Variants in HMCN2 observed in about 807,000 individuals in gnomAD.
HMCN2 encodes the protein hemicentin 2.
Under a neutral mutation model 377.5 loss-of-function variants are expected in HMCN2, and 325 were observed. That is an observed-to-expected ratio of 0.86 (90% CI 0.79 to 0.94). HMCN2 has a LOEUF of 0.94. Among genes scored for constraint, HMCN2 ranks in the 40% least tolerant of loss-of-function variants. The probability of loss-of-function intolerance (pLI) is 0.00; values close to 1 mark genes in which losing one functional copy is unlikely to be tolerated. For synonymous variants in HMCN2, 2,007 were observed against 2,046.8 expected (o/e 0.98, Z 0.53); for missense variants, 4,543 against 4,725.3 (o/e 0.96, Z 1.13).
At chr9:130,396,398 G>A in intron 73 of HMCN2, 85 bp downstream of exon 73, 1 of 1,123,764 alleles carries the variant, frequency 8.9e-7, no homozygotes, top group Non-Finnish European at 1.2e-6. Context: ...GGCAATTGGA[G>A]CAGAAAAGTG....
intron 31 of HMCN2, among the ~76,000 whole-genome samples, chr9:130,354,457 G>A (rs1361680137): frequency 2.0e-5 from 3 of 152,200 alleles, no homozygotes; most frequent in Non-Finnish European, 4.4e-5. Context: ...TGGACCTGCT[G>A]TGTATAGGCA....
Position 130,433,502 on chromosome 9 carries a change from G to T in HMCN2, c.15049G>T (p.Glu5017Ter). 1.3e-6 allele frequency: 2 copies of T among 1,498,030 alleles called. No homozygotes were observed. Among genetic ancestry groups the T allele is most frequent in the Non-Finnish European group, 1.8e-6 (2 of 1,131,074 alleles). 92.8% of individuals were successfully genotyped at this position (1,498,030 alleles called of 1,614,324 possible). The stretch of plus-strand genomic sequence containing the variant: ...GGTCGGCGTCCCCGCCAACCGCACC[G>T]AGCTCAGCATGCTGGAGCCCGACCC... ...SEVGVPANRT[E>*]LSMLEPDPRS... Residue 5017 changes from glutamate (E) to a stop codon, truncating the protein, a stop_gained, in exon 98 of 98, where the codon GAG (glutamate) becomes TAG (stop). Coordinates refer to ENST00000683500, the MANE Select transcript of HMCN2 (RefSeq NM_001291815.2). LOFTEE classifies it high-confidence loss of function.
Position 130,382,235 on chromosome 9 carries a change from A to C in HMCN2, c.8483A>C (p.Tyr2828Ser). 6 of 985,668 alleles carry C rather than the reference A, an allele frequency of 6.1e-6. No individual in the cohort carries two copies. Among genetic ancestry groups the C allele is most frequent in the Non-Finnish European group, 6.0e-6 (5 of 829,900 alleles). 61.1% of individuals were successfully genotyped at this position (985,668 alleles called of 1,614,324 possible). Residue 2828 changes from tyrosine to serine, a missense_variant, in exon 55 of 98, where the codon TAC (tyrosine) becomes TCC (serine). This residue lies in a region of HMCN2 where 736 missense variants were observed against 773.2 expected (regional missense o/e 0.95). Coordinates refer to ENST00000683500, the MANE Select transcript of HMCN2 (RefSeq NM_001291815.2). The stretch of plus-strand genomic sequence containing the variant: ...GTGCGGGCAGAGAACGCCGGGAGGT[A>C]CTCGTGCAAGGCCTCCAACGAGGTG... The part of the protein sequence containing the change: ...PLVRAENAGR[Y>S]SCKASNEVGE...
chr9:130,356,368 G>A, intron 34 of HMCN2, 111 bp downstream of exon 34: 1 of 1,067,994 alleles, frequency 9.4e-7, no homozygotes. Context: ...TTTGCTGGAT[G>A]GCGTTTCTGG....
In HMCN2 at chr9:130,304,884, G is replaced by A; in HGVS notation, c.1698G>A (p.Gln566=). ...VLPASTGRVA[Q]LADLSLEISG... Reference sequence around the variant, plus strand: ...CGGCCTCGACGGGCCGAGTTGCCCAGCTGGCTGACCTGTCCCTGGAGATCA... The same window carrying A: ...CGGCCTCGACGGGCCGAGTTGCCCAACTGGCTGACCTGTCCCTGGAGATCA... The change falls in exon 11 of 98, where the codon CAG becomes CAA. Residue 566 remains glutamine (Q), a synonymous_variant. Transcript: ENST00000683500. This position sits in a 1 kb window ranked among gnomAD's most constrained non-coding sequence, Gnocchi z 4.3. 2.1e-6 allele frequency: 1 copy of A among 471,152 alleles called. No individual in the cohort carries two copies. Among genetic ancestry groups the A allele is most frequent in the Non-Finnish European group, 4.4e-6 (1 of 227,064 alleles). The allele number at this position is 471,152 out of a possible 1,614,324, so 29.2% of individuals were successfully genotyped here.
rs1254116955 is a variant in HMCN2, at chr9:130,268,390, G to A, written c.259+2253G>A. 4.8e-5 allele frequency among the ~76,000 whole-genome samples: 6 copies of A among 124,402 alleles called. 1 individual carries two copies. The South Asian group carries it at 7.7e-4, about 16-fold the overall frequency. The allele number at this position is 124,402 out of a possible 152,430, so 81.6% of individuals were successfully genotyped here. A position where few individuals can be genotyped will look rare whatever the true frequency, so the allele number is the denominator to read the frequency against. On this transcript the variant is annotated intron_variant, in intron 1 of 97. Transcript: ENST00000683500. ...AGTGACACCCCCAGGTTCAGACGTCGGGGAGACTTCAGCACCATGGAGCCC... is the reference window on the plus strand; with the variant it reads ...AGTGACACCCCCAGGTTCAGACGTCAGGGAGACTTCAGCACCATGGAGCCC...
chr9:130,306,597 C>G (rs1419457824), intron 12 of HMCN2, among the ~76,000 whole-genome samples: 4 of 149,896 alleles, frequency 2.7e-5, no homozygotes, highest in Non-Finnish European at 4.4e-5. Flanking sequence ...CCAAATCCCA[C>G]CCCCCACCAT....
intron 34 of HMCN2, among the ~76,000 whole-genome samples, chr9:130,357,255 T>C (rs866729070): frequency 2.4e-5 from 2 of 82,528 alleles, no homozygotes; most frequent in African/African-American, 5.0e-5. Flanking sequence ...GATGGAAGGG[T>C]GGGTAGATGG....
chr9:130,420,200 A>G (rs1236685856), intron 86 of HMCN2, among the ~76,000 whole-genome samples: 5 of 148,326 alleles, frequency 3.4e-5, no homozygotes, highest in African/African-American at 1.3e-4. Context: ...TCAGCCTCCC[A>G]AGTAGCTGGG....
Position 130,351,130 on chromosome 9 carries a change from T to C in HMCN2, c.4431-293T>C, listed in dbSNP as rs986781569. Among the ~76,000 whole-genome samples the C allele has an allele frequency of 2.4e-4, 36 of 152,036 alleles. No homozygotes were observed. The highest frequency in any genetic ancestry group is 8.5e-4 in the Admixed American group (13 of 15,272). Reference sequence around the variant, plus strand: ...ACTTCACATCACTGGCATCATAGAGTGTGTGGCCTTTTGTGTCTGGCTTCT... The same window carrying C: ...ACTTCACATCACTGGCATCATAGAGCGTGTGGCCTTTTGTGTCTGGCTTCT... On this transcript the variant is annotated intron_variant, in intron 29 of 97. Coordinates refer to ENST00000683500, the MANE Select transcript of HMCN2 (RefSeq NM_001291815.2). This position sits in a 1 kb window ranked among gnomAD's most constrained non-coding sequence, Gnocchi z 5.4.
Position 130,425,138 on chromosome 9 carries a change from G to T in HMCN2, c.13641+8G>T, listed in dbSNP as rs1564883419. ...GCAGATCTTCAAGTGCAGGTCGGGG[G>T]TCAAGCCCTGGGGTGTGCAGACAGG... On this transcript the variant is annotated splice_region_variant and intron_variant, in intron 89 of 97. Coordinates refer to ENST00000683500, the MANE Select transcript of HMCN2 (RefSeq NM_001291815.2). 1.3e-6 allele frequency: 2 copies of T among 1,544,654 alleles called. No individual in the cohort carries two copies. The highest frequency in any genetic ancestry group is 2.0e-5 in the Admixed American group (1 of 50,708).
rs1326947736 is a variant in HMCN2 at position 130,345,338 on chromosome 9, A to G, written c.3830-1828A>G. ...TTTGATATGTATGCTGTGTGTGTGT[A>G]TGTTTGTGGTGTGTGGTGTGTATGT... On this transcript the variant is annotated intron_variant, in intron 25 of 97. Coordinates refer to ENST00000683500, the MANE Select transcript of HMCN2 (RefSeq NM_001291815.2). 1.0e-4 allele frequency among the ~76,000 whole-genome samples: 9 copies of G among 89,970 alleles called. No individual in the cohort carries two copies. The East Asian group carries it at 3.3e-3, about 33-fold the overall frequency. The allele number at this position is 89,970 out of a possible 152,430, so 59.0% of individuals were successfully genotyped here.
intron 82 of HMCN2, 60 bp downstream of exon 82, chr9:130,406,228 G>T: frequency 7.9e-7 from 1 of 1,264,440 alleles, no homozygotes. Flanking sequence ...GTTAAGAAGG[G>T]AGGGCAGGTG....
chr9:130,358,926 G>A (rs186331607), intron 36 of HMCN2, among the ~76,000 whole-genome samples: 2 of 152,274 alleles, frequency 1.3e-5, no homozygotes, highest in African/African-American at 2.4e-5. Context: ...CGCCCGCCTC[G>A]GCCTCCCAAA....
Position 130,393,926 on chromosome 9 carries a change from A to T in HMCN2, c.10419A>T (p.Gly3473=). 1 of 1,289,138 alleles carries T rather than the reference A, an allele frequency of 7.8e-7. No homozygotes were observed. Among genetic ancestry groups the T allele is most frequent in the South Asian group, 1.2e-5 (1 of 80,988 alleles). The allele number at this position is 1,289,138 out of a possible 1,614,324, so 79.9% of individuals were successfully genotyped here. ...QGPSLQLEAV[G]AGDSGTYSCV... ...CCAGCCTGCAGCTGGAGGCAGTGGG[A>T]GCTGGTGACTCGGGGACCTACTCCT... Residue 3473 remains glycine (G), a synonymous_variant, in exon 68 of 98, where the codon GGA becomes GGT. Transcript: ENST00000683500. The surrounding 1 kb of genome is among the most constrained non-coding windows in gnomAD (Gnocchi z 5.2).
Position 130,430,443 on chromosome 9 carries a change from G to C in HMCN2, c.14486G>C (p.Ser4829Thr), listed in dbSNP as rs1158860458. Residue 4829 changes from serine to threonine, a missense_variant, in exon 95 of 98, where the codon AGC becomes ACC. Coordinates refer to ENST00000683500, the MANE Select transcript of HMCN2 (RefSeq NM_001291815.2). ...ERNGQNVTTV[S>T]HRGPLLPWLR... Reference sequence around the variant, plus strand: ...AATGGACAAAATGTGACCACCGTCAGCCACCGAGGCCCTCTATTGCCCTGG... The same window carrying C: ...AATGGACAAAATGTGACCACCGTCACCCACCGAGGCCCTCTATTGCCCTGG... 2 of 1,550,572 alleles carry C rather than the reference G, an allele frequency of 1.3e-6. No individual in the cohort carries two copies. Among genetic ancestry groups the C allele is most frequent in the South Asian group, 2.4e-5 (2 of 84,064 alleles).
chr9:130,373,229 C>T (rs1841137170), intron 48 of HMCN2, 105 bp downstream of exon 48: 1 of 216,306 alleles, frequency 4.6e-6, no homozygotes, highest in Non-Finnish European at 7.9e-6. Context: ...CCCACTCCTC[C>T]TGACTGGGGT....
At chr9:130,418,397 C>T (rs1843807689) in intron 85 of HMCN2, among the ~76,000 whole-genome samples, 1 of 152,124 alleles carries the variant, frequency 6.6e-6, no homozygotes, top group Non-Finnish European at 1.5e-5. Context: ...CCCATCTCTA[C>T]TAAAAATACA....
chr9:130,292,167 T>A (rs2131302473), intron 4 of HMCN2, among the ~76,000 whole-genome samples: 1 of 152,296 alleles, frequency 6.6e-6, no homozygotes, highest in South Asian at 2.1e-4. Context: ...GCAAATAGTG[T>A]CTGAGCATCC....
Sources: allele counts gnomAD v4.1 joint callset (sites outside exome capture counted in the v4.1 genomes callset), GRCh38; gene constraint gnomAD v4.1.1; regional missense constraint gnomAD v4.1.1; non-coding constraint Gnocchi (gnomAD v3.1); transcripts MANE v1.5; gene names NCBI Gene and HGNC (gene_info 2026-07-23, HGNC 2026-07-21).